The following WDR20 variants were observed in gnomAD, a reference collection of about 807,000 sequenced individuals.
WDR20 encodes the protein WD repeat-containing protein 20.
Under a neutral mutation model 38.7 loss-of-function variants are expected in WDR20, and 3 were observed. That is an observed-to-expected ratio of 0.08 (90% CI 0.04 to 0.20). The LOEUF (loss-of-function observed/expected upper bound fraction) is 0.20. Ranked by LOEUF, WDR20 falls within the 10% of genes least tolerant of loss-of-function variation. The pLI is 1.00. For synonymous variants in WDR20, 298 were observed against 285.6 expected (o/e 1.04, Z -0.44); for missense variants, 559 against 727.7 (o/e 0.77, Z 2.67).
chr14:102,204,412 C>G (rs2061130188), intron 2 of WDR20, among the ~76,000 whole-genome samples: 1 of 152,212 alleles, frequency 6.6e-6, no homozygotes, highest in African/African-American at 2.4e-5. Context: ...GTTCTCTTCT[C>G]TCCCTGGTTT....
chr14:102,166,542 T>G (rs1309979672), intron 1 of WDR20, among the ~76,000 whole-genome samples: 1 of 152,236 alleles, frequency 6.6e-6, no homozygotes, highest in Admixed American at 6.5e-5. Context: ...CTGATAGATG[T>G]GTTATAAATA....
In WDR20 at chr14:102,221,550, T is replaced by C. The variant is rs2063901809; in HGVS notation, c.1693-1280T>C. ...ACAAGTACAAACAGGGTTCTGTCCC[T>C]TTTCAGGGGTCCCAGAGGAAAAGCA... On this transcript the variant is annotated intron_variant, in intron 3 of 3. Transcript: ENST00000335263. The surrounding 1 kb of genome is among the most constrained non-coding windows in gnomAD (Gnocchi z 4.8). 6.6e-6 allele frequency among the ~76,000 whole-genome samples: 1 copy of C among 152,168 alleles called. No homozygotes were observed. Among genetic ancestry groups the C allele is most frequent in the African/African-American group, 2.4e-5 (1 of 41,430 alleles).
chr14:102,221,878 T>C lies in WDR20; in HGVS notation c.1693-952T>C, dbSNP rs988442423. On this transcript the variant is annotated intron_variant, in intron 3 of 3. Coordinates refer to the WDR20 transcript ENST00000335263. The surrounding 1 kb of genome is among the most constrained non-coding windows in gnomAD (Gnocchi z 4.8). ...GCCTTCTTCCATGACAGCTAAGTTG[T>C]ATTCCCAGAGCTGAAAATGTGCACC... Among the ~76,000 whole-genome samples the C allele has an allele frequency of 6.6e-6, 1 of 152,228 alleles. No homozygotes were observed. The highest frequency in any genetic ancestry group is 1.5e-5 in the Non-Finnish European group (1 of 68,036).
chr14:102,168,560 C>T (rs913561513), intron 1 of WDR20, among the ~76,000 whole-genome samples: 1 of 152,122 alleles, frequency 6.6e-6, no homozygotes, highest in African/African-American at 2.4e-5. Context: ...ATGGCTGCAG[C>T]TTCCCAGTTT....
chr14:102,139,506 G>A, upstream of WDR20: 1 of 1,279,924 alleles, frequency 7.8e-7, no homozygotes, highest in South Asian at 1.5e-5. Context: ...CCTCAGGGCA[G>A]GGCGGGAGAC....
chr14:102,170,515 G>A (rs898149614), intron 1 of WDR20, among the ~76,000 whole-genome samples: 1 of 151,812 alleles, frequency 6.6e-6, no homozygotes, highest in Non-Finnish European at 1.5e-5. Context: ...GTTTTCTGGT[G>A]TTTCTTGTGC....
chr14:102,199,615 C>CA (rs2059974168), intron 2 of WDR20, among the ~76,000 whole-genome samples: 1 of 152,122 alleles, frequency 6.6e-6, no homozygotes, highest in East Asian at 1.9e-4. Context: ...ACCACACGTG[C>CA]ACACACCTTC....
chr14:102,212,675 A>ACCTGGGGAGGG (rs779810064), downstream of WDR20: 157 of 1,495,604 alleles, frequency 1.0e-4, no homozygotes, highest in Admixed American at 2.3e-4. Flanking sequence ...GCTCCCGCAG[A>ACCTGGGGAGGG]CCTGGGGAGG....
chr14:102,140,238 C>T (rs771317949), intron 1 of WDR20, 66 bp downstream of exon 1: 2 of 1,588,644 alleles, frequency 1.3e-6, no homozygotes, highest in East Asian at 2.3e-5. Flanking sequence ...AGGGCGGTGA[C>T]AGTGGGGCCA....
chr14:102,219,132 T>C (rs1555410020), downstream of WDR20, among the ~76,000 whole-genome samples: 3 of 152,206 alleles, frequency 2.0e-5, no homozygotes, highest in South Asian at 2.1e-4. Flanking sequence ...GATCCTTCCA[T>C]GGGGGCCTAG....
At chr14:102,213,230 C>A (rs968617768), downstream of WDR20, 7 of 985,320 alleles carry the variant, frequency 7.1e-6, no homozygotes, top group African/African-American at 1.0e-4. Context: ...TTTTCTTATT[C>A]AGAAGGAGAA....
intron 1 of WDR20, among the ~76,000 whole-genome samples, chr14:102,149,477 A>C (rs943721799): frequency 3.3e-5 from 5 of 152,248 alleles, no homozygotes; most frequent in African/African-American, 1.2e-4. Flanking sequence ...ATTGGGTTTC[A>C]AATAGATAAT....
In WDR20 at chr14:102,208,449, C is replaced by T. The variant is rs566221233; in HGVS notation, c.433-154C>T. Among the ~76,000 whole-genome samples, 6 of 152,332 alleles carry T rather than the reference C, an allele frequency of 3.9e-5. 1 individual carries two copies. Among genetic ancestry groups the T allele is most frequent in the African/African-American group, 1.2e-4 (5 of 41,572 alleles). ...CTAAATTACCCCAAAAGGGCCAAAA[C>T]GCTCCTTGCTGGCTTGGCTGACTGC... On this transcript the variant is annotated intron_variant, in intron 2 of 2. Coordinates refer to ENST00000342702, the MANE Select transcript of WDR20 (RefSeq NM_144574.4). The surrounding 1 kb of genome is among the most constrained non-coding windows in gnomAD (Gnocchi z 5.6).
downstream of WDR20, chr14:102,212,900 G>A: frequency 9.0e-7 from 1 of 1,114,154 alleles, no homozygotes; most frequent in Non-Finnish European, 1.1e-6. Flanking sequence ...ACAGCATTTG[G>A]CAAGAAGAGG....
At chr14:102,172,965 C>A (rs532387648) in intron 1 of WDR20, among the ~76,000 whole-genome samples, 12 of 150,840 alleles carry the variant, frequency 8.0e-5, no homozygotes, top group Admixed American at 7.9e-4. Flanking sequence ...CTCCTCACAT[C>A]CCAGACGGGG....
chr14:102,212,516 ACAGCCGGCAGAGC>A, downstream of WDR20: 1 of 1,535,878 alleles, frequency 6.5e-7, no homozygotes, highest in Admixed American at 2.0e-5. Context: ...CCTTTCTTTG[ACAGCCGGCAGAGC>A]ACTTCTGCAG....
At chr14:102,163,520 C>T (rs1056381896) in intron 1 of WDR20, among the ~76,000 whole-genome samples, 1 of 146,636 alleles carries the variant, frequency 6.8e-6, no homozygotes, top group Non-Finnish European at 1.5e-5. Flanking sequence ...CCCGGCTACC[C>T]AGGAGGCTGA....
intron 1 of WDR20, among the ~76,000 whole-genome samples, chr14:102,145,106 G>C (rs1312438725): frequency 6.6e-6 from 1 of 152,158 alleles, no homozygotes; most frequent in Non-Finnish European, 1.5e-5. Context: ...TATCTTTCCT[G>C]CTCTCCATCT....
At chr14:102,177,706 G>T (rs773138890) in intron 1 of WDR20, among the ~76,000 whole-genome samples, 1 of 152,156 alleles carries the variant, frequency 6.6e-6, no homozygotes, top group Non-Finnish European at 1.5e-5. Flanking sequence ...ATAAGGAAAG[G>T]GGTGGTCTGG....
Sources: allele counts gnomAD v4.1 joint callset (sites outside exome capture counted in the v4.1 genomes callset), GRCh38; gene constraint gnomAD v4.1.1; non-coding constraint Gnocchi (gnomAD v3.1); transcripts MANE v1.5; gene names NCBI Gene and HGNC (gene_info 2026-07-23, HGNC 2026-07-21).